Variants in SEPTIN10 observed in about 807,000 individuals in gnomAD.
The protein encoded by SEPTIN10 is septin-10.
Under a neutral mutation model 54.8 loss-of-function variants are expected in SEPTIN10, and 66 were observed. The observed-to-expected ratio is 1.21, with a 90% CI of 0.99 to 1.48. SEPTIN10 has a LOEUF of 1.48. Among genes scored for constraint, SEPTIN10 ranks in the 40% most tolerant of loss-of-function variants. The pLI is 0.00. For missense variants in SEPTIN10, 620 were observed against 545.6 expected (o/e 1.14, Z -1.36); for synonymous variants, 161 against 181.0 (o/e 0.89, Z 0.89).
intron 1 of SEPTIN10, among the ~76,000 whole-genome samples, chr2:109,611,694 G>A (rs1699288787): frequency 6.6e-6 from 1 of 152,172 alleles, no homozygotes; most frequent in Admixed American, 6.5e-5. Context: ...CCAGGAGATT[G>A]AGGCTGAGGT....
intron 8 of SEPTIN10, among the ~76,000 whole-genome samples, chr2:109,563,651 G>A (rs929296912): frequency 8.5e-5 from 13 of 152,154 alleles, no homozygotes. Flanking sequence ...ACTGAGCAAG[G>A]AAGGGTTCAG....
intron 4 of SEPTIN10, among the ~76,000 whole-genome samples, chr2:109,577,912 C>CAAAA (rs745439822): frequency 1.1e-5 from 1 of 92,330 alleles, no homozygotes; most frequent in African/African-American, 4.1e-5. Context: ...GACTTTGTCT[C>CAAAA]AAAAAAAAAA....
At position 109,543,882 on chromosome 2, in the gene SEPTIN10, C is replaced by T. The variant is rs576308594; in HGVS notation, c.*427G>A. The T allele has an allele frequency of 4.4e-5, 17 of 389,594 alleles. No individual in the cohort carries two copies. Among genetic ancestry groups the T allele is most frequent in the Middle Eastern group, 7.2e-4 (1 of 1,386 alleles). 24.1% of individuals were successfully genotyped at this position (389,594 alleles called of 1,614,324 possible). On this transcript the variant is annotated 3_prime_UTR_variant, in exon 11 of 11. Transcript: ENST00000397712. ...GTTTGGAATATCTGCATATACACAA[C>T]GGGACCCGACTCTAATTACATAATT...
At chr2:109,548,475 C>T (rs1347224109) in intron 9 of SEPTIN10, among the ~76,000 whole-genome samples, 3 of 152,134 alleles carry the variant, frequency 2.0e-5, no homozygotes, top group Non-Finnish European at 4.4e-5. Flanking sequence ...TGAGCCACAG[C>T]GCCTGGCTAT....
chr2:109,571,274 T>G (rs907407366), intron 5 of SEPTIN10, among the ~76,000 whole-genome samples: 1 of 152,226 alleles, frequency 6.6e-6, no homozygotes, highest in Non-Finnish European at 1.5e-5. Flanking sequence ...TTTATAGCAA[T>G]GCGAGAACGG....
chr2:109,580,722 A>C (rs1690904260), intron 4 of SEPTIN10, among the ~76,000 whole-genome samples: 1 of 152,232 alleles, frequency 6.6e-6, no homozygotes, highest in Non-Finnish European at 1.5e-5. Flanking sequence ...TGAACAAAAT[A>C]AATGAAAAAA....
chr2:109,545,553 T>C lies in SEPTIN10; in HGVS notation c.1349+497A>G, dbSNP rs552470356. The C allele has an allele frequency of 6.0e-5, 92 of 1,535,540 alleles. No homozygotes were observed. The East Asian group carries it at 2.1e-3, about 35-fold the overall frequency. On this transcript the variant is annotated intron_variant, in intron 10 of 10. Transcript: ENST00000397712. ...CGACAGCCTGGTTCCCTTATTAAAA[T>C]AAAAATTCTCACAAAATCAGTATCA... is the stretch of plus-strand genomic sequence containing the variant.
intron 1 of SEPTIN10, among the ~76,000 whole-genome samples, chr2:109,597,460 G>C (rs1020982735): frequency 3.3e-5 from 5 of 152,312 alleles, no homozygotes; most frequent in African/African-American, 9.6e-5. Flanking sequence ...AGTAAGACAT[G>C]GTCCTGGACC....
At chr2:109,603,839 G>A (rs374571184) in intron 1 of SEPTIN10, among the ~76,000 whole-genome samples, 1 of 152,132 alleles carries the variant, frequency 6.6e-6, no homozygotes, top group East Asian at 1.9e-4. Context: ...TTCGATACCA[G>A]CCTGGCCAAT....
chr2:109,612,363 C>G (rs1296370675), intron 1 of SEPTIN10, among the ~76,000 whole-genome samples: 3 of 152,118 alleles, frequency 2.0e-5, no homozygotes, highest in Non-Finnish European at 4.4e-5. Flanking sequence ...TCCTCCTGGT[C>G]CTGGGAACAT....
At chr2:109,546,029 G>A (rs1681135593) in intron 10 of SEPTIN10, 21 bp downstream of exon 10, 7 of 1,548,526 alleles carry the variant, frequency 4.5e-6, no homozygotes, top group Non-Finnish European at 6.1e-6. Flanking sequence ...GGCTGCCAGG[G>A]AGGGTGGCTG....
chr2:109,585,912 T>C, intron 2 of SEPTIN10, 74 bp from the exon 3 acceptor site: 1 of 1,035,576 alleles, frequency 9.7e-7, no homozygotes, highest in Non-Finnish European at 1.5e-6. Flanking sequence ...TAGGCACACT[T>C]GAAGGACAAA....
chr2:109,598,157 G>C (rs1041358054), intron 1 of SEPTIN10, among the ~76,000 whole-genome samples: 1 of 151,984 alleles, frequency 6.6e-6, no homozygotes, highest in African/African-American at 2.4e-5. Flanking sequence ...CTGCCTTCTG[G>C]GTTCAAGCGA....
chr2:109,570,063 C>T (rs575575521), intron 5 of SEPTIN10, among the ~76,000 whole-genome samples: 1 of 151,982 alleles, frequency 6.6e-6, no homozygotes, highest in Non-Finnish European at 1.5e-5. Context: ...TTAAAATGGG[C>T]CAAATCAAGT....
intron 6 of SEPTIN10, among the ~76,000 whole-genome samples, chr2:109,567,333 T>G (rs1687268015): frequency 6.6e-6 from 1 of 152,158 alleles, no homozygotes; most frequent in Non-Finnish European, 1.5e-5. Context: ...AAAGTAAAAT[T>G]AAGAACTTAG....
At chr2:109,571,550 T>A (rs1051927924) in intron 5 of SEPTIN10, among the ~76,000 whole-genome samples, 20 of 152,190 alleles carry the variant, frequency 1.3e-4, no homozygotes, top group Admixed American at 3.3e-4. Context: ...TATCTAAACA[T>A]ATCTAAACAC....
chr2:109,570,087 C>G (rs1338556139), intron 5 of SEPTIN10, among the ~76,000 whole-genome samples: 1 of 152,016 alleles, frequency 6.6e-6, no homozygotes, highest in African/African-American at 2.4e-5. Flanking sequence ...TTCAGCATAT[C>G]CTAGTTTTTC....
intron 4 of SEPTIN10, among the ~76,000 whole-genome samples, chr2:109,580,117 A>C (rs1379734725): frequency 6.6e-6 from 1 of 152,062 alleles, no homozygotes; most frequent in Non-Finnish European, 1.5e-5. Context: ...GTGAAGTTCC[A>C]TCTTAAAAAA....
chr2:109,557,477 A>G (rs1375862451), intron 8 of SEPTIN10, among the ~76,000 whole-genome samples: 1 of 152,216 alleles, frequency 6.6e-6, no homozygotes, highest in African/African-American at 2.4e-5. Context: ...GAAAAGTAAA[A>G]AGCTGGGATT....
Sources: gnomAD v4.1 joint callset for allele counts (sites outside exome capture counted in the v4.1 genomes callset) on GRCh38, gnomAD v4.1.1 for gene constraint, MANE v1.5 for transcripts, NCBI Gene and HGNC (gene_info 2026-07-23, HGNC 2026-07-21) for gene names.